CSMD1: variants seen among roughly 807,000 people sequenced by gnomAD.
CSMD1 encodes CUB and sushi domain-containing protein 1.
A neutral mutation model predicts 417.5 loss-of-function variants in CSMD1; 213 were observed. The ratio of observed to expected loss-of-function variants is 0.51; its 90% CI spans 0.46 to 0.57. The LOEUF (loss-of-function observed/expected upper bound fraction) is 0.57. Among genes scored for constraint, CSMD1 ranks in the 20% least tolerant of loss-of-function variants. The pLI is 0.00. For synonymous variants in CSMD1, 2,862 were observed against 1,736.8 expected (o/e 1.65, Z -16.11); for missense variants, 6,923 against 4,529.7 (o/e 1.53, Z -15.17).
chr8:3,125,700 G>C lies in CSMD1; in HGVS notation c.6242-7113C>G, dbSNP rs117391583. Among the ~76,000 whole-genome samples the C allele has an allele frequency of 1.8e-3, 272 of 152,326 alleles. 7 individuals are homozygous for C. In the East Asian group the frequency reaches 0.047, roughly 27 times the overall value. On this transcript the variant is annotated intron_variant, in intron 41 of 69. Coordinates refer to ENST00000635120, the MANE Select transcript of CSMD1 (RefSeq NM_033225.6). The stretch of plus-strand genomic sequence containing the variant: ...TCATTAAAAAGTTGAATTAAGGCCA[G>C]GTGCCGTGGCTCATGCCTGTAATCC...
At chr8:3,786,482 C>G (rs1799463400) in intron 5 of CSMD1, among the ~76,000 whole-genome samples, 3 of 152,102 alleles carry the variant, frequency 2.0e-5, no homozygotes, top group Admixed American at 2.0e-4. Context: ...GGAATGGTGA[C>G]AGATAGTGTC....
intron 2 of CSMD1, among the ~76,000 whole-genome samples, chr8:4,532,389 C>A (rs982915059): frequency 8.0e-5 from 12 of 149,444 alleles, no homozygotes; most frequent in Admixed American, 8.0e-4. Context: ...AAGAGAAATC[C>A]TGCACCCCCA....
intron 3 of CSMD1, among the ~76,000 whole-genome samples, chr8:4,186,326 G>A (rs1798674254): frequency 6.6e-6 from 1 of 152,060 alleles, no homozygotes; most frequent in South Asian, 2.1e-4. Context: ...TTCCAACTGG[G>A]ACTCCTCATG....
At chr8:3,282,548 C>CG (rs1554498304) in intron 26 of CSMD1, among the ~76,000 whole-genome samples, 1 of 151,770 alleles carries the variant, frequency 6.6e-6, no homozygotes, top group Non-Finnish European at 1.5e-5. Flanking sequence ...TATATCACAA[C>CG]AAAAAACAAG....
At chr8:3,474,074 A>C (rs1585217434) in intron 11 of CSMD1, among the ~76,000 whole-genome samples, 1 of 152,232 alleles carries the variant, frequency 6.6e-6, no homozygotes, top group East Asian at 1.9e-4. Context: ...TAGAGATTAC[A>C]ATTAGAGATG....
At chr8:3,633,332 G>C (rs1450726237) in intron 7 of CSMD1, among the ~76,000 whole-genome samples, 1 of 152,204 alleles carries the variant, frequency 6.6e-6, no homozygotes, top group East Asian at 1.9e-4. Flanking sequence ...AGACTCAGAG[G>C]TGCACTGTGT....
intron 47 of CSMD1, among the ~76,000 whole-genome samples, chr8:3,093,123 C>T (rs745815334): frequency 6.6e-5 from 10 of 152,136 alleles, no homozygotes; most frequent in Non-Finnish European, 1.2e-4. Context: ...TCCTAACCCT[C>T]TGGGCTTGGA....
At chr8:3,264,742 C>G (rs1278626631) in intron 26 of CSMD1, among the ~76,000 whole-genome samples, 1 of 152,096 alleles carries the variant, frequency 6.6e-6, no homozygotes, top group Non-Finnish European at 1.5e-5. Flanking sequence ...AGAGTTTAAT[C>G]TACATGATTA....
At chr8:3,816,372 G>C (rs562065852) in intron 5 of CSMD1, among the ~76,000 whole-genome samples, 1 of 152,306 alleles carries the variant, frequency 6.6e-6, no homozygotes, top group East Asian at 1.9e-4. Context: ...AGCAGGAAAA[G>C]ATATTCTGAG....
chr8:3,386,909 G>A (rs73657834), intron 18 of CSMD1, among the ~76,000 whole-genome samples: 139 of 152,262 alleles, frequency 9.1e-4, no homozygotes, highest in African/African-American at 3.3e-3. Context: ...ATAGTATAAC[G>A]TTGAGCAATA....
At chr8:3,721,251 T>A (rs556976593) in intron 6 of CSMD1, among the ~76,000 whole-genome samples, 9 of 152,320 alleles carry the variant, frequency 5.9e-5, no homozygotes, top group African/African-American at 2.2e-4. Context: ...TCATTTTTTT[T>A]CCTTTTATAA....
chr8:3,272,446 A>C (rs940701489), intron 26 of CSMD1, among the ~76,000 whole-genome samples: 9 of 150,526 alleles, frequency 6.0e-5, no homozygotes, highest in Non-Finnish European at 1.0e-4. Context: ...ACTTTAAAGT[A>C]GTTTTTTCCA....
intron 1 of CSMD1, among the ~76,000 whole-genome samples, chr8:4,745,771 G>C (rs754590381): frequency 6.6e-6 from 1 of 152,080 alleles, no homozygotes; most frequent in Non-Finnish European, 1.5e-5. Flanking sequence ...ATAGGAACAC[G>C]CATTTTTGAA....
rs551287876 is a variant in CSMD1 at position 3,235,987 on chromosome 8, G to C, written c.4154-5756C>G. ...GGCTGGAGTGCAGTGGCACAATCTC[G>C]GCTCACTGCAAGCTCCGCCTTCCGG... is the stretch of plus-strand genomic sequence containing the variant. On this transcript the variant is annotated intron_variant, in intron 26 of 69. Transcript: ENST00000635120. 2.2e-5 allele frequency among the ~76,000 whole-genome samples: 3 copies of C among 136,066 alleles called. No homozygotes were observed. The South Asian group carries it at 6.9e-4, about 31-fold the overall frequency. The allele number at this position is 136,066 out of a possible 152,430, so 89.3% of individuals were successfully genotyped here.
chr8:4,110,674 C>T (rs4875278), intron 3 of CSMD1, among the ~76,000 whole-genome samples: 1 of 151,748 alleles, frequency 6.6e-6, no homozygotes, highest in Non-Finnish European at 1.5e-5. Context: ...ATAAAGTTAC[C>T]TAAGAAAATG....
At chr8:3,029,582 G>C (rs970263107) in intron 50 of CSMD1, 69 bp from the exon 51 acceptor site, 3 of 1,363,588 alleles carry the variant, frequency 2.2e-6, no homozygotes, top group Non-Finnish European at 2.0e-6. Flanking sequence ...GCTTGCTTTG[G>C]ATGGCAAGGT....
chr8:4,078,093 A>G (rs573188305), intron 3 of CSMD1, among the ~76,000 whole-genome samples: 1 of 152,316 alleles, frequency 6.6e-6, no homozygotes, highest in South Asian at 2.1e-4. Flanking sequence ...TGCCAAAGAG[A>G]GAAATCTTCA....
At chr8:3,630,588 T>C (rs1373814208) in intron 7 of CSMD1, among the ~76,000 whole-genome samples, 1 of 152,182 alleles carries the variant, frequency 6.6e-6, no homozygotes, top group African/African-American at 2.4e-5. Flanking sequence ...GTTGAAGTCA[T>C]TCAGACAGAA....
At chr8:4,514,879 C>A (rs112971280) in intron 2 of CSMD1, among the ~76,000 whole-genome samples, 289 of 152,272 alleles carry the variant, frequency 1.9e-3, no homozygotes, top group South Asian at 3.1e-3. Flanking sequence ...TAAACAACCA[C>A]ACCAAAAACA....
Sources: gnomAD v4.1 joint callset for allele counts (sites outside exome capture counted in the v4.1 genomes callset) on GRCh38, gnomAD v4.1.1 for gene constraint, MANE v1.5 for transcripts, NCBI Gene and HGNC (gene_info 2026-07-23, HGNC 2026-07-21) for gene names.